The following KLF11 variants were observed in gnomAD, a reference collection of about 807,000 sequenced individuals.
KLF11 encodes the protein KLF transcription factor 11, also known as Krueppel-like factor 11.
A neutral mutation model predicts 29.9 loss-of-function variants in KLF11; 26 were observed. The ratio of observed to expected loss-of-function variants is 0.87; its 90% confidence interval spans 0.64 to 1.21. The LOEUF is 1.21. Among genes scored for constraint, KLF11 ranks in the 50% most tolerant of loss-of-function variants. The probability of loss-of-function intolerance (pLI) is 0.00; values close to 1 mark genes in which losing one functional copy is unlikely to be tolerated. For missense variants in KLF11, 778 were observed against 665.7 expected, an observed-to-expected ratio of 1.17 and a Z score of -1.86; for synonymous variants, 318 against 257.4, an observed-to-expected ratio of 1.24 and a Z score of -2.25.
At chr2:10,043,955 G>A (rs1331340702) in intron 1 of KLF11, 197 bp downstream of exon 1, 1 of 934,280 alleles carries the variant, frequency 1.1e-6, no homozygotes, top group South Asian at 5.0e-5. Context: ...CGGGTCGGCG[G>A]GGGCGAGGAG....
At chr2:10,050,225 G>A (rs1483769341) in intron 3 of KLF11, among the ~76,000 whole-genome samples, 2 of 152,172 alleles carry the variant, frequency 1.3e-5, no homozygotes, top group Admixed American at 1.3e-4. Context: ...TGGCCAACAT[G>A]GTGAAACCCC....
chr2:10,049,925 G>A (rs1310036236), intron 3 of KLF11, among the ~76,000 whole-genome samples: 1 of 152,180 alleles, frequency 6.6e-6, no homozygotes, highest in African/African-American at 2.4e-5. Context: ...TGGGCTTGTT[G>A]ACTTGGTGAG....
chr2:10,049,455 G>A (rs1009374254), intron 3 of KLF11, among the ~76,000 whole-genome samples: 1 of 152,184 alleles, frequency 6.6e-6, no homozygotes, highest in Non-Finnish European at 1.5e-5. Flanking sequence ...AGTGCAGTCT[G>A]GTGTTCAGAC....
chr2:10,044,537 G>C, intron 1 of KLF11: 1 of 734,128 alleles, frequency 1.4e-6, no homozygotes. Flanking sequence ...GATTTGAGGT[G>C]GCCTCGTCTT....
chr2:10,045,365 G>C (rs973703973), intron 1 of KLF11, among the ~76,000 whole-genome samples: 3 of 151,996 alleles, frequency 2.0e-5, no homozygotes, highest in Admixed American at 6.6e-5. Context: ...TTCAAGGCCA[G>C]CTTGACCAAC....
rs1446688187 is a variant in KLF11, at chr2:10,046,033, A to G, written c.43-117A>G. 3.5e-6 allele frequency: 4 copies of G among 1,141,686 alleles called. No individual in the cohort carries two copies. The African/African-American group carries it at 4.6e-5, about 13-fold the overall frequency. The allele number at this position is 1,141,686 out of a possible 1,614,324, so 70.7% of individuals were successfully genotyped here. A position where few individuals can be genotyped will look rare whatever the true frequency, so the allele number is the denominator to read the frequency against. ...ACCTCGGTGTTTGTTGCTATAGACT[A>G]TTGCATGTGCATTACATGCCTACTG... is the stretch of plus-strand genomic sequence containing the variant. On this transcript the variant is annotated intron_variant, in intron 1 of 3. Transcript: ENST00000305883.
chr2:10,050,419 A>T (rs2125281257), intron 3 of KLF11, among the ~76,000 whole-genome samples: 1 of 151,592 alleles, frequency 6.6e-6, no homozygotes, highest in African/African-American at 2.4e-5. Context: ...AAAAAAAAAA[A>T]AAAAAAAATT....
At position 10,052,502 on chromosome 2, in the gene KLF11, G is replaced by C. The variant is rs1330445513; in HGVS notation, c.1534G>C (p.Ala512Pro). Residue 512 changes from alanine (A) to proline (P), a missense_variant, in exon 4 of 4, where the codon GCC becomes CCC. By Grantham distance (27) the Ala-to-Pro change is conservative. Transcript: ENST00000305883. ...GSPLVSMPAS[A>P] ...CCCACTGGTGAGCATGCCAGCCTCT[G>C]CCTGAAAGGTCCATTAGGACATCAC... 2 of 1,613,792 alleles carry C rather than the reference G, an allele frequency of 1.2e-6. No homozygotes were observed. Among genetic ancestry groups the C allele is most frequent in the Non-Finnish European group, 1.7e-6 (2 of 1,179,978 alleles).
intron 3 of KLF11, 105 bp from the exon 4 acceptor site, chr2:10,052,122 T>A: frequency 8.3e-7 from 1 of 1,202,414 alleles, no homozygotes; most frequent in East Asian, 2.3e-5. Context: ...GATACCACTT[T>A]CTTCTGAGTT....
rs750957935 is a variant in KLF11, at chr2:10,048,407, A to G, written c.1070A>G (p.Asn357Ser). ...CCTCCGCCTGCCCCCTGTGCAGCCA[A>G]TGTCATGGCTGCCGGGAATACCAAG... ...ALPPPAPCAA[N>S]VMAAGNTKLL... is the part of the protein sequence containing the mutation. The change falls in exon 3 of 4, where the codon AAT becomes AGT. Residue 357 changes from asparagine (N) to serine (S), a missense_variant. Transcript: ENST00000305883. 97 of 1,613,830 alleles carry G rather than the reference A, an allele frequency of 6.0e-5. No homozygotes were observed. Among genetic ancestry groups the G allele is most frequent in the East Asian group, 3.6e-4 (16 of 44,888 alleles).
At chr2:10,045,455 C>G (rs1439930508) in intron 1 of KLF11, among the ~76,000 whole-genome samples, 2 of 152,046 alleles carry the variant, frequency 1.3e-5, no homozygotes, top group South Asian at 4.2e-4. Context: ...CGAGATTGTG[C>G]CACTGCACTC....
intron 1 of KLF11, chr2:10,044,242 C>T (rs1023831540): frequency 3.1e-6 from 3 of 976,060 alleles, no homozygotes; most frequent in Non-Finnish European, 2.4e-6. Flanking sequence ...CGGGCAAGGT[C>T]TAGGGGCCGG....
rs1436162471 is a variant in KLF11 at position 10,053,372 on chromosome 2, AAC to A, written c.*868_*869del. The A allele has an allele frequency of 5.3e-5, 21 of 398,572 alleles. No homozygotes were observed. The highest frequency in any genetic ancestry group is 2.5e-4 in the East Asian group (7 of 28,096). The allele number at this position is 398,572 out of a possible 1,614,324, so 24.7% of individuals were successfully genotyped here. ...TTTGTACCTAAAACACCAAAAAAGA[AAC>A]ACTCAAATCCAGCTGCTTTGTCAAT... On this transcript the variant is annotated 3_prime_UTR_variant, in exon 4 of 4. Coordinates refer to ENST00000305883, the MANE Select transcript of KLF11 (RefSeq NM_003597.5).
Position 10,047,964 on chromosome 2 carries a change from A to G in KLF11, c.627A>G (p.Gly209=), listed in dbSNP as rs1661270346. ...GAGAAGGAGAAGAGCAGCTTCTGGG[A>G]CACTTTGAAACTTTGCAGGACACAC... ...DSREGEEQLL[G]HFETLQDTHL... The change falls in exon 3 of 4, where the codon GGA becomes GGG. Residue 209 remains glycine, a synonymous_variant. Coordinates refer to ENST00000305883, the MANE Select transcript of KLF11 (RefSeq NM_003597.5). The G allele has an allele frequency of 6.2e-7, 1 of 1,613,860 alleles. No individual in the cohort carries two copies. The highest frequency in any genetic ancestry group is 1.1e-5 in the South Asian group (1 of 91,084).
rs1305227389 is a variant in KLF11, at chr2:10,048,189, T to C, written c.852T>C (p.Pro284=). ...TTTCTGTCTCTGTCCCTGCTCCCCC[T>C]GTCCTTTGCCAGATGATCCCTGTGA... is the stretch of plus-strand genomic sequence containing the variant. ...PLISVSVPAP[P]VLCQMIPVTG... Residue 284 remains proline, a synonymous_variant, in exon 3 of 4, where the codon CCT becomes CCC. Coordinates refer to ENST00000305883, the MANE Select transcript of KLF11 (RefSeq NM_003597.5). The C allele has an allele frequency of 6.2e-7, 1 of 1,614,092 alleles. No homozygotes were observed. Among genetic ancestry groups the C allele is most frequent in the African/African-American group, 1.3e-5 (1 of 74,946 alleles).
intron 2 of KLF11, 126 bp downstream of exon 2, chr2:10,046,545 T>A: frequency 9.2e-7 from 1 of 1,082,080 alleles, no homozygotes; most frequent in Non-Finnish European, 1.4e-6. Flanking sequence ...CCTCTCTGTG[T>A]GGGTCTGAAG....
intron 2 of KLF11, among the ~76,000 whole-genome samples, chr2:10,046,986 G>A (rs1355760944): frequency 6.6e-6 from 1 of 152,230 alleles, no homozygotes; most frequent in Non-Finnish European, 1.5e-5. Flanking sequence ...AGATTAATGT[G>A]AGAAAGTGAA....
In KLF11 at chr2:10,048,361, G is replaced by A. The variant is rs373173330; in HGVS notation, c.1024G>A (p.Val342Ile). 1 of 1,610,626 alleles carries A rather than the reference G, an allele frequency of 6.2e-7. No homozygotes were observed. Among genetic ancestry groups the A allele is most frequent in the Non-Finnish European group, 8.5e-7 (1 of 1,177,590 alleles). ...PAVPQGAVML[V>I]LPQGALPPPA... is the part of the protein sequence containing the mutation. ...TGTGCCTCAGGGAGCTGTGATGTTGGTCCTGCCCCAGGGAGCCCTCCCTCC... is the reference window on the plus strand; with the variant it reads ...TGTGCCTCAGGGAGCTGTGATGTTGATCCTGCCCCAGGGAGCCCTCCCTCC... The change falls in exon 3 of 4, where the codon GTC becomes ATC. Residue 342 changes from valine to isoleucine, a missense_variant. Physicochemically the swap from Val to Ile is conservative, Grantham distance 29 (BLOSUM62 3). Transcript: ENST00000305883.
At chr2:10,048,866 T>TACAG (rs1558349163) in intron 3 of KLF11, among the ~76,000 whole-genome samples, 1 of 151,814 alleles carries the variant, frequency 6.6e-6, no homozygotes, top group African/African-American at 2.4e-5. Context: ...TAGAGTGACT[T>TACAG]ACAGTGCCCC....
Sources: allele counts gnomAD v4.1 joint callset (sites outside exome capture counted in the v4.1 genomes callset), GRCh38; gene constraint gnomAD v4.1.1; transcripts MANE v1.5; gene names NCBI Gene and HGNC (gene_info 2026-07-23, HGNC 2026-07-21).